The following LRP1 variants were observed in gnomAD, a reference collection of about 807,000 sequenced individuals.
The protein encoded by LRP1 is LDL receptor related protein 1, also known as prolow-density lipoprotein receptor-related protein 1.
In LRP1, 51 loss-of-function variants were observed where a neutral mutation model predicts 541.5. The observed-to-expected ratio is 0.09, with a 90% CI of 0.08 to 0.12. The LOEUF (loss-of-function observed/expected upper bound fraction) is 0.12, where lower values mean the gene tolerates loss of function less well. Among genes scored for constraint, LRP1 ranks in the 10% least tolerant of loss-of-function variants. The pLI is 1.00. For synonymous variants in LRP1, 2,219 were observed against 2,470.8 expected, an observed-to-expected ratio of 0.90 and a Z score of 3.02; for missense variants, 3,878 against 6,376.2, an observed-to-expected ratio of 0.61 and a Z score of 13.34.
Position 57,205,014 on chromosome 12 carries a change from A to C in LRP1, c.11195-95A>C. 46 of 1,509,118 alleles carry C rather than the reference A, an allele frequency of 3.0e-5. No homozygotes were observed. Among genetic ancestry groups the C allele is most frequent in the Non-Finnish European group, 4.0e-5 (45 of 1,120,356 alleles). 93.5% of individuals were successfully genotyped at this position (1,509,118 alleles called of 1,614,324 possible). A position where few individuals can be genotyped will look rare whatever the true frequency, so the allele number is the denominator to read the frequency against. ...ACCTGCTCCCCCTGCAAGCCTTGTC[A>C]CTTAGGAATTGGGAGCCACTGTTAT... On this transcript the variant is annotated intron_variant, in intron 72 of 88. Coordinates refer to ENST00000243077, the MANE Select transcript of LRP1 (RefSeq NM_002332.3). This position sits in a 1 kb window ranked among gnomAD's most constrained non-coding sequence, Gnocchi z 4.6.
rs746593234 is a variant in LRP1, at chr12:57,201,991, C to T, written c.10594+86C>T. The T allele has an allele frequency of 6.4e-7, 1 of 1,559,476 alleles. No homozygotes were observed. The highest frequency in any genetic ancestry group is 8.8e-7 in the Non-Finnish European group (1 of 1,138,540). ...CTGGCAGGTGGAGGGCTGGGGGCCGCCTGCTTACCGGTCTCAGCGTGGCCC... is the reference window on the plus strand; with the variant it reads ...CTGGCAGGTGGAGGGCTGGGGGCCGTCTGCTTACCGGTCTCAGCGTGGCCC... On this transcript the variant is annotated intron_variant, in intron 67 of 88. Transcript: ENST00000243077. The surrounding 1 kb of genome is among the most constrained non-coding windows in gnomAD (Gnocchi z 6.4).
At chr12:57,174,379 A>G (rs2036003658) in intron 22 of LRP1, among the ~76,000 whole-genome samples, 1 of 152,092 alleles carries the variant, frequency 6.6e-6, no homozygotes, top group Non-Finnish European at 1.5e-5. Flanking sequence ...TCTTGTGGAG[A>G]CAAAGGCACC....
rs755788058 is a variant in LRP1 at position 57,211,303 on chromosome 12, C to T, written c.13044C>T (p.Leu4348=). 26 of 1,614,058 alleles carry T rather than the reference C, an allele frequency of 1.6e-5. No homozygotes were observed. Among genetic ancestry groups the T allele is most frequent in the East Asian group, 1.3e-4 (6 of 44,896 alleles). The change falls in exon 84 of 89, where the codon CTC becomes CTT. Residue 4348 remains leucine, a synonymous_variant. Transcript: ENST00000243077. This position sits in a 1 kb window ranked among gnomAD's most constrained non-coding sequence, Gnocchi z 4.3. The stretch of plus-strand genomic sequence containing the variant: ...AGGTGAACAAGTGCAGCCGCTGTCT[C>T]GAAGGGGCCTGTGTGGTCAACAAGC... ...RCEVNKCSRC[L]EGACVVNKQS... is the part of the protein sequence containing the mutation.
At position 57,177,889 on chromosome 12, in the gene LRP1, A is replaced by G. The variant is rs187189197; in HGVS notation, c.4361+298A>G. Among the ~76,000 whole-genome samples, 94 of 151,642 alleles carry G rather than the reference A, an allele frequency of 6.2e-4. No homozygotes were observed. The highest frequency in any genetic ancestry group is 1.5e-4 in the Non-Finnish European group (10 of 67,954). Reference sequence around the variant, plus strand: ...CCCTCTGCTGGGGCTGTGTCTGCCCAGAGGGAGGGGAAACTTCTTTCTAAT... The same window carrying G: ...CCCTCTGCTGGGGCTGTGTCTGCCCGGAGGGAGGGGAAACTTCTTTCTAAT... On this transcript the variant is annotated intron_variant, in intron 26 of 88. Transcript: ENST00000243077. This position sits in a 1 kb window ranked among gnomAD's most constrained non-coding sequence, Gnocchi z 6.8.
In LRP1 at chr12:57,142,262, C is replaced by T. The variant is rs547530122; in HGVS notation, c.328+751C>T. On this transcript the variant is annotated intron_variant, in intron 3 of 88. Transcript: ENST00000243077. Reference sequence around the variant, plus strand: ...GTTAGGGAATAGTGGCTTCTCCCTTCTCTTTTCTTCGGGGTCTGGGCCCGG... The same window carrying T: ...GTTAGGGAATAGTGGCTTCTCCCTTTTCTTTTCTTCGGGGTCTGGGCCCGG... 2.0e-3 allele frequency among the ~76,000 whole-genome samples: 299 copies of T among 152,344 alleles called. 1 individual carries two copies. Among genetic ancestry groups the T allele is most frequent in the African/African-American group, 6.2e-3 (258 of 41,568 alleles).
chr12:57,166,004 C>G (rs1412776179), intron 16 of LRP1, 59 bp downstream of exon 16: 1 of 1,612,438 alleles, frequency 6.2e-7, no homozygotes, highest in Non-Finnish European at 8.5e-7. Context: ...CAGCTCGGCT[C>G]TGGCAGTGCC....
Position 57,166,133 on chromosome 12 carries a change from C to T in LRP1, c.2721C>T (p.Cys907=). The T allele has an allele frequency of 6.2e-7, 1 of 1,614,254 alleles. No individual in the cohort carries two copies. The highest frequency in any genetic ancestry group is 8.5e-7 in the Non-Finnish European group (1 of 1,180,040). The stretch of plus-strand genomic sequence containing the variant: ...GATTCAAGTGCGAGAACAACCGGTG[C>T]ATCCCCAACCGCTGGCTCTGCGACG... ...SDRFKCENNR[C]IPNRWLCDGD... Residue 907 remains cysteine, a synonymous_variant, in exon 17 of 89, where the codon TGC becomes TGT. Transcript: ENST00000243077.
chr12:57,209,557 G>A (rs556545656), intron 79 of LRP1, 135 bp from the exon 80 acceptor site: 13 of 713,998 alleles, frequency 1.8e-5, no homozygotes, highest in Middle Eastern at 3.2e-4. Flanking sequence ...AGGAGGAACC[G>A]GTGTGGGGAG....
chr12:57,164,063 T>G (rs977748210), intron 15 of LRP1, among the ~76,000 whole-genome samples: 4 of 151,954 alleles, frequency 2.6e-5, no homozygotes, highest in African/African-American at 7.3e-5. Flanking sequence ...CCCAGCTATT[T>G]GGGAGGCTGA....
Position 57,197,404 on chromosome 12 carries a change from C to T in LRP1, c.9162+20C>T, listed in dbSNP as rs377446592. 2.5e-6 allele frequency: 4 copies of T among 1,610,710 alleles called. No individual in the cohort carries two copies. In the African/African-American group the frequency reaches 4.0e-5, roughly 16 times the overall value. On this transcript the variant is annotated intron_variant, in intron 57 of 88. Coordinates refer to ENST00000243077, the MANE Select transcript of LRP1 (RefSeq NM_002332.3). This position sits in a 1 kb window ranked among gnomAD's most constrained non-coding sequence, Gnocchi z 4.5. ...AAGCAGGTACCAAACCCAGGCCCTC[C>T]TCCCCGCTGCCCATCTCCCAGACCC...
In LRP1 at chr12:57,143,593, T is replaced by C. The variant is rs138624864; in HGVS notation, c.329-86T>C. 118 of 1,521,626 alleles carry C rather than the reference T, an allele frequency of 7.8e-5. 1 individual carries two copies. The highest frequency in any genetic ancestry group is 7.0e-4 in the Middle Eastern group (3 of 4,290). The allele number at this position is 1,521,626 out of a possible 1,614,324, so 94.3% of individuals were successfully genotyped here. A position where few individuals can be genotyped will look rare whatever the true frequency, so the allele number is the denominator to read the frequency against. ...AGCCCTTAGAAGTGGTTTCTGAAGG[T>C]TGACTGGGTTTAGGGGAAGGTTGTG... On this transcript the variant is annotated intron_variant, in intron 3 of 88. Transcript: ENST00000243077.
At chr12:57,161,566 C>T (rs754068725) in intron 13 of LRP1, among the ~76,000 whole-genome samples, 1 of 152,072 alleles carries the variant, frequency 6.6e-6, no homozygotes, top group Non-Finnish European at 1.5e-5. Flanking sequence ...GTATATAAGG[C>T]CCTTCATGAT....
In LRP1 at chr12:57,179,921, G is replaced by A; in HGVS notation, c.5106G>A (p.Glu1702=). 6.2e-7 allele frequency: 1 copy of A among 1,614,140 alleles called. No individual in the cohort carries two copies. Among genetic ancestry groups the A allele is most frequent in the East Asian group, 2.2e-5 (1 of 44,888 alleles). ...SFKNAVVQGL[E]QPHGLVVHPL... is the part of the protein sequence containing the mutation. ...AGAACGCAGTGGTGCAGGGCCTGGAGCAGCCCCATGGCCTTGTCGTCCACC... is the reference window on the plus strand; with the variant it reads ...AGAACGCAGTGGTGCAGGGCCTGGAACAGCCCCATGGCCTTGTCGTCCACC... The change falls in exon 30 of 89, where the codon GAG becomes GAA. Residue 1702 remains glutamate (E), a synonymous_variant. Transcript: ENST00000243077. This position sits in a 1 kb window ranked among gnomAD's most constrained non-coding sequence, Gnocchi z 6.8.
Position 57,197,587 on chromosome 12 carries a change from C to A in LRP1, c.9205C>A (p.Gln3069Lys). The A allele has an allele frequency of 6.2e-7, 1 of 1,614,122 alleles. No homozygotes were observed. The highest frequency in any genetic ancestry group is 1.1e-5 in the South Asian group (1 of 91,072). Residue 3069 changes from glutamine (Q) to lysine (K), a missense_variant, in exon 58 of 89, where the codon CAG becomes AAG. Physicochemically the swap from Gln to Lys is moderately conservative, Grantham distance 53 (BLOSUM62 1). Around this residue, in one of 13 missense-constraint regions of LRP1, gnomAD observed 1,100 missense variants for 1,827.4 expected, o/e 0.60. Transcript: ENST00000243077. The surrounding 1 kb of genome is among the most constrained non-coding windows in gnomAD (Gnocchi z 4.5). The part of the protein sequence containing the change: ...AVALDFDYRE[Q>K]MIYWTDVTTQ... ...TGCCTTGGATTTTGACTACCGAGAG[C>A]AGATGATCTACTGGACAGATGTGAC...
intron 17 of LRP1, 84 bp from the exon 18 acceptor site, chr12:57,166,846 C>T: frequency 5.2e-6 from 4 of 767,892 alleles, no homozygotes; most frequent in Admixed American, 4.1e-5. Context: ...ATAAGGGACA[C>T]CAAAGGCAGA....
intron 41 of LRP1, among the ~76,000 whole-genome samples, chr12:57,186,556 C>T (rs1460102159): frequency 6.6e-6 from 1 of 152,234 alleles, no homozygotes; most frequent in Admixed American, 6.5e-5. Context: ...GTATACAGAC[C>T]TGTCCTTTCA....
intron 77 of LRP1, 57 bp downstream of exon 77, chr12:57,208,273 A>G (rs1303799041): frequency 1.3e-6 from 2 of 1,555,564 alleles, no homozygotes; most frequent in Non-Finnish European, 1.8e-6. Flanking sequence ...CCCCCGGGAC[A>G]GGGTTGGGGG....
At chr12:57,186,667 G>C (rs901686646) in intron 41 of LRP1, among the ~76,000 whole-genome samples, 1 of 152,210 alleles carries the variant, frequency 6.6e-6, no homozygotes, top group African/African-American at 2.4e-5. Context: ...CTCGTAGCTT[G>C]ATCAGGAGAG....
intron 76 of LRP1, among the ~76,000 whole-genome samples, chr12:57,207,223 AGAGAGT>A (rs2036799493): frequency 6.6e-6 from 1 of 150,970 alleles, no homozygotes; most frequent in Non-Finnish European, 1.5e-5. Context: ...AGCCTGGGCG[AGAGAGT>A]GAGACTCGGT....
Sources: gnomAD v4.1 joint callset for allele counts (sites outside exome capture counted in the v4.1 genomes callset) on GRCh38, gnomAD v4.1.1 for gene constraint, gnomAD v4.1.1 regional missense constraint, Gnocchi (gnomAD v3.1) non-coding constraint, MANE v1.5 for transcripts, NCBI Gene and HGNC (gene_info 2026-07-23, HGNC 2026-07-21) for gene names.